The following PCDH15 variants were observed in gnomAD, a reference collection of about 807,000 sequenced individuals.
PCDH15 encodes protocadherin-15.
PCDH15 carries 129 observed loss-of-function variants against 178.5 expected under a neutral mutation model. That is an observed-to-expected ratio of 0.72 (90% CI 0.63 to 0.84). The LOEUF (loss-of-function observed/expected upper bound fraction) is 0.84. PCDH15 is among the 40% of genes least tolerant of loss of function. The pLI, the probability that PCDH15 is intolerant of heterozygous loss-of-function variation, is 0.00. For missense variants in PCDH15, 2,230 were observed against 2,099.9 expected (o/e 1.06, Z -1.21); for synonymous variants, 800 against 732.0 (o/e 1.09, Z -1.50).
intron 2 of PCDH15, among the ~76,000 whole-genome samples, chr10:55,013,167 C>G (rs1840087442): frequency 6.6e-6 from 1 of 152,108 alleles, no homozygotes; most frequent in African/African-American, 2.4e-5. Flanking sequence ...TCTTACAAAT[C>G]CATTCATGTA....
intron 2 of PCDH15, among the ~76,000 whole-genome samples, chr10:55,339,935 G>GA (rs146876107): frequency 0.016 from 2,276 of 140,924 alleles, 41 homozygotes; most frequent in African/African-American, 0.053. Context: ...ATTAAACAAA[G>GA]AAAAAAAAAA....
chr10:55,432,031 TA>T (rs1473104321), intron 2 of PCDH15, among the ~76,000 whole-genome samples: 3 of 151,372 alleles, frequency 2.0e-5, no homozygotes, highest in East Asian at 3.9e-4. Context: ...AGAAGTACTA[TA>T]AAAAAATAAA....
At chr10:55,224,218 A>G (rs948297495) in intron 1 of PCDH15, among the ~76,000 whole-genome samples, 1 of 147,996 alleles carries the variant, frequency 6.8e-6, no homozygotes, top group Non-Finnish European at 1.5e-5. Flanking sequence ...ACAAAAACAA[A>G]ACAAAAAAAC....
chr10:53,810,117 C>T (rs2075811859), intron 37 of PCDH15, among the ~76,000 whole-genome samples: 1 of 152,040 alleles, frequency 6.6e-6, no homozygotes, highest in Non-Finnish European at 1.5e-5. Flanking sequence ...ACATAAATTA[C>T]ATTATTCCTT....
intron 2 of PCDH15, among the ~76,000 whole-genome samples, chr10:55,585,751 ATGTG>A (rs1254754345): frequency 2.0e-5 from 3 of 151,866 alleles, no homozygotes; most frequent in South Asian, 2.1e-4. Context: ...GTATATATAT[ATGTG>A]TGTGTGTATA....
intron 20 of PCDH15, among the ~76,000 whole-genome samples, chr10:54,015,965 C>A (rs981429604): frequency 6.6e-6 from 1 of 152,052 alleles, no homozygotes; most frequent in Non-Finnish European, 1.5e-5. Flanking sequence ...AAAAAACTAT[C>A]AACAGAGTAA....
At chr10:54,528,899 A>T (rs1016712771) in intron 2 of PCDH15, among the ~76,000 whole-genome samples, 4 of 152,026 alleles carry the variant, frequency 2.6e-5, no homozygotes, top group African/African-American at 9.7e-5. Context: ...CTTTGCCTGC[A>T]GGATGTCAAA....
At chr10:55,558,022 C>T (rs538357278) in intron 2 of PCDH15, among the ~76,000 whole-genome samples, 1 of 152,166 alleles carries the variant, frequency 6.6e-6, no homozygotes, top group African/African-American at 2.4e-5. Flanking sequence ...GGGCACTAGA[C>T]AACCAAGTAG....
chr10:55,261,104 G>A (rs986392408), intron 1 of PCDH15, among the ~76,000 whole-genome samples: 1 of 152,118 alleles, frequency 6.6e-6, no homozygotes, highest in Non-Finnish European at 1.5e-5. Flanking sequence ...ACCTGGCCAT[G>A]TTATTCTTTC....
At chr10:54,126,154 T>C (rs4007244) in intron 15 of PCDH15, among the ~76,000 whole-genome samples, 58,171 of 150,594 alleles carry the variant, frequency 0.39, 12,103 homozygotes, top group African/African-American at 0.53. Flanking sequence ...CACTGCAAGC[T>C]CCGCCTCCCA....
At chr10:54,683,660 C>T (rs1378743605) in intron 1 of PCDH15, among the ~76,000 whole-genome samples, 1 of 151,952 alleles carries the variant, frequency 6.6e-6, no homozygotes, top group Non-Finnish European at 1.5e-5. Context: ...TTAGGTAGCC[C>T]TCTCAAAGTC....
intron 2 of PCDH15, among the ~76,000 whole-genome samples, chr10:55,526,277 T>C (rs1841299793): frequency 6.6e-6 from 1 of 151,986 alleles, no homozygotes; most frequent in African/African-American, 2.4e-5. Flanking sequence ...AGTATCATTA[T>C]TCTGAAGTTT....
At chr10:54,304,702 G>A (rs750387396) in intron 8 of PCDH15, among the ~76,000 whole-genome samples, 13 of 152,008 alleles carry the variant, frequency 8.6e-5, no homozygotes, top group Non-Finnish European at 1.8e-4. Flanking sequence ...TACCCTGATT[G>A]GCTGTGTGAA....
intron 2 of PCDH15, among the ~76,000 whole-genome samples, chr10:55,526,910 T>C (rs952936028): frequency 1.4e-4 from 21 of 152,204 alleles, no homozygotes; most frequent in African/African-American, 3.6e-4. Flanking sequence ...GTTATATTTA[T>C]AGGCAACGTC....
At chr10:54,985,014 TA>T (rs1839328972) in intron 2 of PCDH15, among the ~76,000 whole-genome samples, 1 of 152,142 alleles carries the variant, frequency 6.6e-6, no homozygotes, top group South Asian at 2.1e-4. Context: ...GATGGGTAAG[TA>T]AAAGTATCAC....
chr10:54,624,352 A>G (rs7910868), intron 2 of PCDH15, among the ~76,000 whole-genome samples: 4,758 of 152,330 alleles, frequency 0.031, 92 homozygotes, highest in Non-Finnish European at 0.046. Flanking sequence ...CAAAAATATT[A>G]CAAAATATAA....
intron 2 of PCDH15, among the ~76,000 whole-genome samples, chr10:55,421,225 A>G (rs1335064256): frequency 6.6e-6 from 1 of 151,528 alleles, no homozygotes; most frequent in Admixed American, 6.6e-5. Context: ...TAAAACTCAG[A>G]TAAGTCGAGG....
chr10:55,280,444 ATTTTTTTTT>A (rs1170034467), intron 1 of PCDH15, among the ~76,000 whole-genome samples: 2 of 92,082 alleles, frequency 2.2e-5, no homozygotes, highest in African/African-American at 4.3e-5. Context: ...GCACCCAGCT[ATTTTTTTTT>A]TTTTTTTTTT....
intron 2 of PCDH15, among the ~76,000 whole-genome samples, chr10:54,948,258 AT>A (rs1478687957): frequency 6.6e-6 from 1 of 151,942 alleles, no homozygotes; most frequent in African/African-American, 2.4e-5. Context: ...AAGAGCCATT[AT>A]TTCTGTTTGA....
Sources: gnomAD v4.1 joint callset for allele counts (sites outside exome capture counted in the v4.1 genomes callset) on GRCh38, gnomAD v4.1.1 for gene constraint, MANE v1.5 for transcripts, NCBI Gene and HGNC (gene_info 2026-07-23, HGNC 2026-07-21) for gene names.